The following PDE4DIP variants were observed in gnomAD, a reference collection of about 807,000 sequenced individuals.
The protein encoded by PDE4DIP is myomegalin.
A neutral mutation model predicts 221.4 loss-of-function variants in PDE4DIP; 59 were observed. That is an observed-to-expected ratio of 0.27 (90% confidence interval 0.22 to 0.33). PDE4DIP has a LOEUF of 0.33. Among genes scored for constraint, PDE4DIP ranks in the 10% least tolerant of loss-of-function variants. The pLI is 1.00. For missense variants in PDE4DIP, 1,036 were observed against 2,154.2 expected (o/e 0.48, Z 10.28); for synonymous variants, 404 against 815.9 (o/e 0.50, Z 8.60).
rs186551308 is a variant in PDE4DIP, at chr1:149,029,562, G to A, written c.6814-225G>A. 7.2e-5 allele frequency among the ~76,000 whole-genome samples: 11 copies of A among 152,246 alleles called. No homozygotes were observed. The East Asian group carries it at 1.7e-3, about 24-fold the overall frequency. On this transcript the variant is annotated intron_variant, in intron 41 of 43. Transcript: ENST00000369354. The stretch of plus-strand genomic sequence containing the variant: ...GTTCTCTTAAGCTACAGGTGTGTAG[G>A]CCTGTGCTAGTCTGCATGGGGAATT...
intron 5 of PDE4DIP, among the ~76,000 whole-genome samples, chr1:148,956,350 C>G (rs1553502364): frequency 3.4e-4 from 52 of 151,982 alleles, no homozygotes. Context: ...ATCAGGATTC[C>G]TCCTGATTGC....
intron 14 of PDE4DIP, among the ~76,000 whole-genome samples, chr1:148,970,538 G>T (rs1245094249): frequency 1.3e-5 from 2 of 150,156 alleles, no homozygotes; most frequent in Non-Finnish European, 3.0e-5. Flanking sequence ...ACGTGCAAAA[G>T]AAATCACCTG....
intron 1 of PDE4DIP, among the ~76,000 whole-genome samples, chr1:148,815,289 G>A (rs1223172969): frequency 5.0e-5 from 7 of 140,062 alleles, no homozygotes; most frequent in Non-Finnish European, 9.4e-5. Flanking sequence ...AGTGGCTCAC[G>A]CCTGTAATCC....
At chr1:148,820,931 G>A (rs1286510512) in intron 1 of PDE4DIP, among the ~76,000 whole-genome samples, 1 of 148,930 alleles carries the variant, frequency 6.7e-6, no homozygotes, top group Non-Finnish European at 1.5e-5. Context: ...GCTCACTGCA[G>A]GCTCCGCCCC....
Position 148,828,922 on chromosome 1 carries a change from TTGAATGAA to T in PDE4DIP, c.233+20198_233+20205del, listed in dbSNP as rs1320664250. 2.6e-5 allele frequency among the ~76,000 whole-genome samples: 4 copies of T among 151,118 alleles called. No individual in the cohort carries two copies. In the East Asian group the frequency reaches 5.8e-4, roughly 22 times the overall value. On this transcript the variant is annotated intron_variant, in intron 1 of 45. Transcript: ENST00000524974. ...ACACACGGTTCACAGTAATTATTTA[TTGAATGAA>T]TGAATGAATGAACGAATGAATGAGA...
intron 21 of PDE4DIP, among the ~76,000 whole-genome samples, chr1:148,988,262 A>G (rs1553552392): frequency 1.3e-5 from 2 of 150,556 alleles, no homozygotes; most frequent in Admixed American, 1.3e-4. Flanking sequence ...AAGCCCATGG[A>G]CTACTTCAGT....
intron 4 of PDE4DIP, among the ~76,000 whole-genome samples, chr1:148,935,495 C>T (rs1444464243): frequency 2.5e-4 from 12 of 48,606 alleles, no homozygotes; most frequent in Non-Finnish European, 4.2e-4. Context: ...GTCTTCATGC[C>T]TTTGTTCCTT....
At chr1:149,019,715 C>T (rs587626009) in intron 35 of PDE4DIP, 1 of 153,608 alleles carries the variant, frequency 6.5e-6, no homozygotes, top group East Asian at 1.9e-4. Flanking sequence ...TTTAGAGTCC[C>T]TTCAATAATC....
chr1:149,013,088 G>T (rs1358300922), intron 32 of PDE4DIP, among the ~76,000 whole-genome samples: 4 of 152,204 alleles, frequency 2.6e-5, no homozygotes, highest in Admixed American at 2.6e-4. Flanking sequence ...TCATTGGTTG[G>T]GGGTGGGAGA....
At chr1:148,879,703 GA>G (rs1388470297) in intron 3 of PDE4DIP, among the ~76,000 whole-genome samples, 2 of 142,904 alleles carry the variant, frequency 1.4e-5, no homozygotes, top group East Asian at 4.2e-4. Flanking sequence ...TTCACTCCTA[GA>G]AAAAAATGGA....
chr1:148,998,673 T>C lies in PDE4DIP; in HGVS notation c.3137+298T>C, dbSNP rs587644891. 6.1e-5 allele frequency among the ~76,000 whole-genome samples: 9 copies of C among 147,536 alleles called. No individual in the cohort carries two copies. The East Asian group carries it at 1.8e-3, about 29-fold the overall frequency. On this transcript the variant is annotated intron_variant, in intron 23 of 43. Coordinates refer to ENST00000369354, the Ensembl canonical transcript of PDE4DIP. ...TTGACCAAAACGTATAAGGAATCCC[T>C]GCTACCTAATATGTCTCACTGCTGT...
chr1:148,963,960 G>A (rs77325925), intron 9 of PDE4DIP, among the ~76,000 whole-genome samples: 10,415 of 150,394 alleles, frequency 0.069, 750 homozygotes, highest in East Asian at 0.44. Flanking sequence ...GGGTTTCATC[G>A]TGTTAGCCAG....
At chr1:149,006,398 T>C (rs1178038346) in intron 27 of PDE4DIP, 1 of 152,186 alleles carries the variant, frequency 6.6e-6, no homozygotes, top group Non-Finnish European at 1.5e-5. Flanking sequence ...TCTCTTGTTT[T>C]GGGTCCCATC....
intron 20 of PDE4DIP, 63 bp from the exon 24 acceptor site, chr1:148,981,207 A>T: frequency 6.6e-7 from 1 of 1,525,960 alleles, no homozygotes; most frequent in Non-Finnish European, 9.0e-7. Context: ...CTTTGGAAAC[A>T]AATGTGGACT....
chr1:148,907,049 CA>C (rs2042002627), intron 1 of PDE4DIP, among the ~76,000 whole-genome samples: 1 of 151,154 alleles, frequency 6.6e-6, no homozygotes, highest in Admixed American at 6.6e-5. Flanking sequence ...AACTCCATCT[CA>C]AAAAAACCAA....
At chr1:148,945,194 T>A (rs1288629212) in intron 5 of PDE4DIP, among the ~76,000 whole-genome samples, 3 of 152,146 alleles carry the variant, frequency 2.0e-5, no homozygotes, top group Admixed American at 6.6e-5. Flanking sequence ...TAGGGCCAGA[T>A]AGTAAATAAG....
chr1:148,827,368 T>C (rs649103), intron 1 of PDE4DIP, among the ~76,000 whole-genome samples: 657 of 80,626 alleles, frequency 8.1e-3, no homozygotes, highest in East Asian at 0.017. Flanking sequence ...CATTCTCCTG[T>C]CTCAGCCTCC....
chr1:148,999,889 G>T (rs2065206869), intron 23 of PDE4DIP, among the ~76,000 whole-genome samples: 1 of 150,908 alleles, frequency 6.6e-6, no homozygotes, highest in African/African-American at 2.4e-5. Context: ...TTTCAAGAAG[G>T]TTTTGTTGAG....
intron 1 of PDE4DIP, among the ~76,000 whole-genome samples, chr1:148,893,149 A>T (rs1553438853): frequency 7.8e-6 from 1 of 128,296 alleles, no homozygotes; most frequent in East Asian, 2.4e-4. Context: ...GGTCTCACTC[A>T]CTATGTTGCC....
Sources: allele counts gnomAD v4.1 joint callset (sites outside exome capture counted in the v4.1 genomes callset), GRCh38; gene constraint gnomAD v4.1.1; transcripts MANE v1.5; gene names NCBI Gene and HGNC (gene_info 2026-07-23, HGNC 2026-07-21).